The following ANKRD6 variants were observed in gnomAD, a reference collection of about 807,000 sequenced individuals.
ANKRD6 encodes ankyrin repeat domain-containing protein 6.
In ANKRD6, 56 loss-of-function variants were observed where a neutral mutation model predicts 82.3. The ratio of observed to expected loss-of-function variants is 0.68; its 90% CI spans 0.55 to 0.85. The LOEUF is 0.85. Among genes scored for constraint, ANKRD6 ranks in the 40% least tolerant of loss-of-function variants. The pLI is 0.00. For synonymous variants in ANKRD6, 347 were observed against 352.1 expected (o/e 0.99, Z 0.16); for missense variants, 852 against 907.6 (o/e 0.94, Z 0.79).
intron 9 of ANKRD6, among the ~76,000 whole-genome samples, chr6:89,620,994 G>A (rs561715655): frequency 5.5e-4 from 84 of 152,190 alleles, no homozygotes; most frequent in Non-Finnish European, 9.9e-4. Flanking sequence ...GCGTGAACCC[G>A]GGAGGCGGAG....
At chr6:89,522,354 C>G (rs1181824000) in intron 1 of ANKRD6, among the ~76,000 whole-genome samples, 2 of 152,026 alleles carry the variant, frequency 1.3e-5, no homozygotes, top group African/African-American at 4.8e-5. Flanking sequence ...TTAAGGAGCT[C>G]GACTGCATCT....
At chr6:89,598,428 A>C in intron 3 of ANKRD6, 1 of 985,302 alleles carries the variant, frequency 1.0e-6, no homozygotes, top group Non-Finnish European at 1.2e-6. Flanking sequence ...AGAGAGAAAA[A>C]GAGGTCAGCA....
chr6:89,475,167 C>CA (rs1335764845), intron 1 of ANKRD6, among the ~76,000 whole-genome samples: 3 of 152,166 alleles, frequency 2.0e-5, no homozygotes, highest in African/African-American at 7.2e-5. Flanking sequence ...CAGAAAGCAG[C>CA]ACCCAAAACG....
intron 1 of ANKRD6, among the ~76,000 whole-genome samples, chr6:89,502,610 A>G (rs180931622): frequency 6.6e-6 from 1 of 152,324 alleles, no homozygotes; most frequent in African/African-American, 2.4e-5. Context: ...GTCTGGGCCA[A>G]TGAATACTTT....
intron 3 of ANKRD6, among the ~76,000 whole-genome samples, chr6:89,596,905 G>A (rs1046012231): frequency 6.6e-6 from 1 of 152,196 alleles, no homozygotes; most frequent in Non-Finnish European, 1.5e-5. Context: ...AACTTTTATG[G>A]GGAACACAGA....
intron 1 of ANKRD6, among the ~76,000 whole-genome samples, chr6:89,545,848 A>G (rs1239220320): frequency 1.3e-5 from 2 of 152,232 alleles, no homozygotes. Context: ...ACTGTTGCCC[A>G]GACTGGAGTG....
intron 1 of ANKRD6, among the ~76,000 whole-genome samples, chr6:89,459,757 C>A (rs142943106): frequency 1.5e-4 from 23 of 152,264 alleles, no homozygotes; most frequent in African/African-American, 5.3e-4. Context: ...CCTGCCTCAG[C>A]CTCCTGAGGA....
At chr6:89,551,736 A>G (rs1006184496) in intron 1 of ANKRD6, among the ~76,000 whole-genome samples, 5 of 152,214 alleles carry the variant, frequency 3.3e-5, no homozygotes, top group Non-Finnish European at 5.9e-5. Flanking sequence ...TTCTCAGGTT[A>G]TTTTGGATCC....
chr6:89,454,357 T>C (rs1773249900), intron 1 of ANKRD6, among the ~76,000 whole-genome samples: 1 of 152,254 alleles, frequency 6.6e-6, no homozygotes. Context: ...TTCATCTTTG[T>C]TGGCCAGTTT....
At chr6:89,610,652 A>G (rs761315352) in intron 5 of ANKRD6, among the ~76,000 whole-genome samples, 4 of 152,160 alleles carry the variant, frequency 2.6e-5, no homozygotes, top group Non-Finnish European at 4.4e-5. Context: ...CATGAAGCCC[A>G]TAACTTGCAG....
chr6:89,491,428 G>T (rs577844458), intron 1 of ANKRD6, among the ~76,000 whole-genome samples: 1 of 152,282 alleles, frequency 6.6e-6, no homozygotes, highest in South Asian at 2.1e-4. Context: ...AGGAAGAATT[G>T]TCTGAACTTT....
intron 2 of ANKRD6, among the ~76,000 whole-genome samples, chr6:89,591,104 C>A (rs59567119): frequency 1.3e-5 from 2 of 151,914 alleles, no homozygotes; most frequent in African/African-American, 2.4e-5. Flanking sequence ...TCCTTTTTTT[C>A]TTTTCTTTCT....
rs572932842 is a variant in ANKRD6 at position 89,613,835 on chromosome 6, T to G, written c.560T>G (p.Leu187Trp). ...CACGTTGCTGCGCGCTATAATCACT[T>G]GTCCATCATTAGGCTCCTCCTCACT... The part of the protein sequence containing the change: ...CLHVAARYNH[L>W]SIIRLLLTAF... Residue 187 changes from leucine to tryptophan, a missense_variant, in exon 7 of 16, where the codon TTG becomes TGG. Coordinates refer to ENST00000339746, the MANE Select transcript of ANKRD6 (RefSeq NM_001242809.2). 16 of 1,614,076 alleles carry G rather than the reference T, an allele frequency of 9.9e-6. No individual in the cohort carries two copies. Among genetic ancestry groups the G allele is most frequent in the Middle Eastern group, 1.6e-4 (1 of 6,062 alleles).
intron 1 of ANKRD6, among the ~76,000 whole-genome samples, chr6:89,457,345 C>T (rs752974421): frequency 6.6e-6 from 1 of 152,184 alleles, no homozygotes; most frequent in Non-Finnish European, 1.5e-5. Flanking sequence ...GTCTTGGAGA[C>T]AGACTACCAT....
At chr6:89,458,742 T>G (rs764275699) in intron 1 of ANKRD6, among the ~76,000 whole-genome samples, 1 of 152,168 alleles carries the variant, frequency 6.6e-6, no homozygotes, top group Non-Finnish European at 1.5e-5. Flanking sequence ...GACTCACATG[T>G]TAATCTCCTC....
At position 89,600,697 on chromosome 6, in the gene ANKRD6, AT is replaced by A. The variant is rs551850754; in HGVS notation, c.220-2331del. The stretch of plus-strand genomic sequence containing the variant: ...TTTGGGAAATTCCGTCACCATTCTG[AT>A]AGAGAAATGGGAAGTCTTGGAAATC... On this transcript the variant is annotated intron_variant, in intron 3 of 15. Coordinates refer to ENST00000339746, the MANE Select transcript of ANKRD6 (RefSeq NM_001242809.2). 3.7e-4 allele frequency among the ~76,000 whole-genome samples: 57 copies of A among 152,206 alleles called. 1 individual carries two copies. The East Asian group carries it at 0.01, about 27-fold the overall frequency.
chr6:89,463,253 C>T (rs1774422269), intron 1 of ANKRD6, among the ~76,000 whole-genome samples: 2 of 151,914 alleles, frequency 1.3e-5, no homozygotes, highest in Admixed American at 1.3e-4. Flanking sequence ...TTTTTCTGAG[C>T]ATTTTGTTAT....
At chr6:89,479,931 GGT>G (rs1776587145) in intron 1 of ANKRD6, among the ~76,000 whole-genome samples, 1 of 151,852 alleles carries the variant, frequency 6.6e-6, no homozygotes, top group African/African-American at 2.4e-5. Flanking sequence ...TATTGTTTGG[GGT>G]GTGTTAAAAC....
chr6:89,511,409 C>G (rs1470138704), intron 1 of ANKRD6, among the ~76,000 whole-genome samples: 1 of 152,140 alleles, frequency 6.6e-6, no homozygotes, highest in African/African-American at 2.4e-5. Context: ...GTCTGGGTAC[C>G]CTGTTTGCCT....
Sources: allele counts gnomAD v4.1 joint callset (sites outside exome capture counted in the v4.1 genomes callset), GRCh38; gene constraint gnomAD v4.1.1; transcripts MANE v1.5; gene names NCBI Gene and HGNC (gene_info 2026-07-23, HGNC 2026-07-21).